Variants in GTF2A1 observed in about 807,000 individuals in gnomAD.
GTF2A1 encodes transcription initiation factor IIA subunit 1.
GTF2A1 carries 12 observed loss-of-function variants against 54.1 expected under a neutral mutation model. The ratio of observed to expected loss-of-function variants is 0.22; its 90% CI spans 0.14 to 0.36. The LOEUF is 0.36. GTF2A1 is among the 10% of genes least tolerant of loss of function. The pLI, the probability that GTF2A1 is intolerant of heterozygous loss-of-function variation, is 1.00. For synonymous variants in GTF2A1, 145 were observed against 152.0 expected (o/e 0.95, Z 0.34); for missense variants, 335 against 442.2 (o/e 0.76, Z 2.17).
intron 6 of GTF2A1, among the ~76,000 whole-genome samples, chr14:81,193,663 A>G (rs1237677024): frequency 1.3e-5 from 2 of 152,202 alleles, no homozygotes; most frequent in African/African-American, 4.8e-5. Context: ...GATAAAAGCT[A>G]ATTATTTTTC....
chr14:81,197,242 TA>T, intron 5 of GTF2A1, 166 bp downstream of exon 5: 1 of 538,124 alleles, frequency 1.9e-6, no homozygotes, highest in Non-Finnish European at 3.4e-6. Flanking sequence ...CAACAACGAT[TA>T]CAGTTATATG....
chr14:81,208,317 A>G (rs1893286959), intron 2 of GTF2A1, among the ~76,000 whole-genome samples: 1 of 152,190 alleles, frequency 6.6e-6, no homozygotes, highest in Admixed American at 6.5e-5. Context: ...AAACCTTGGC[A>G]GCGTTCCTGT....
At chr14:81,205,290 G>C (rs1296404032) in intron 2 of GTF2A1, among the ~76,000 whole-genome samples, 1 of 152,016 alleles carries the variant, frequency 6.6e-6, no homozygotes, top group Non-Finnish European at 1.5e-5. Context: ...ATAATCTTCT[G>C]ACCCTTCCAA....
chr14:81,216,211 A>G (rs1893485591), intron 2 of GTF2A1, among the ~76,000 whole-genome samples: 1 of 152,212 alleles, frequency 6.6e-6, no homozygotes, highest in South Asian at 2.1e-4. Context: ...ACCAATTTCC[A>G]TCTTACGTAT....
At chr14:81,216,548 A>T in intron 1 of GTF2A1, 34 bp from the exon 2 acceptor site, 1 of 907,954 alleles carries the variant, frequency 1.1e-6, no homozygotes, top group Non-Finnish European at 1.8e-6. Flanking sequence ...TGAAAAAGAC[A>T]GTTTTTCACA....
At chr14:81,199,575 T>C (rs1311131301) in intron 4 of GTF2A1, among the ~76,000 whole-genome samples, 1 of 152,188 alleles carries the variant, frequency 6.6e-6, no homozygotes, top group Non-Finnish European at 1.5e-5. Context: ...CTAAAACACT[T>C]TTATTGGTAC....
At chr14:81,199,909 A>G (rs1454134231) in intron 4 of GTF2A1, among the ~76,000 whole-genome samples, 1 of 151,930 alleles carries the variant, frequency 6.6e-6, no homozygotes, top group African/African-American at 2.4e-5. Context: ...ATATAGTCTT[A>G]ATAACATCAA....
At chr14:81,211,589 G>C (rs921508751) in intron 2 of GTF2A1, among the ~76,000 whole-genome samples, 2 of 151,952 alleles carry the variant, frequency 1.3e-5, no homozygotes, top group African/African-American at 4.8e-5. Flanking sequence ...AGACCATGGA[G>C]AAAATGTCTC....
Position 81,180,310 on chromosome 14 carries a change from T to C in GTF2A1, c.1044A>G (p.Lys348=). The change falls in exon 9 of 9, where the codon AAA becomes AAG. Residue 348 remains lysine (K), a synonymous_variant. Coordinates refer to ENST00000553612, the MANE Select transcript of GTF2A1 (RefSeq NM_015859.4). ...QYDKIHRSKN[K]WKFHLKDGIM... ...TGCCATCCTTGAGATGAAATTTCCA[T>C]TTGTTTTTACTTCTGTGTATCTAAA... 6.9e-7 allele frequency: 1 copy of C among 1,446,728 alleles called. No individual in the cohort carries two copies. The highest frequency in any genetic ancestry group is 9.7e-7 in the Non-Finnish European group (1 of 1,033,724). The allele number at this position is 1,446,728 out of a possible 1,614,324, so 89.6% of individuals were successfully genotyped here.
chr14:81,197,534 G>A (rs191672133), intron 4 of GTF2A1, 50 bp from the exon 5 acceptor site: 21 of 945,184 alleles, frequency 2.2e-5, no homozygotes, highest in Non-Finnish European at 3.3e-5. Context: ...GTATAATACT[G>A]TTTCTCTCTA....
At chr14:81,188,674 G>A (rs1042000028) in intron 7 of GTF2A1, among the ~76,000 whole-genome samples, 1 of 151,884 alleles carries the variant, frequency 6.6e-6, no homozygotes, top group Non-Finnish European at 1.5e-5. Flanking sequence ...CTACTTGGGA[G>A]GCTGAGGCAG....
chr14:81,197,278 T>C (rs1893012246), intron 5 of GTF2A1, 131 bp downstream of exon 5: 1 of 592,210 alleles, frequency 1.7e-6, no homozygotes, highest in Non-Finnish European at 3.1e-6. Flanking sequence ...AATAAAGTTA[T>C]TTTAATAACC....
chr14:81,193,408 G>A (rs752137932), intron 6 of GTF2A1, among the ~76,000 whole-genome samples: 7 of 151,936 alleles, frequency 4.6e-5, no homozygotes, highest in Admixed American at 3.9e-4. Flanking sequence ...CTCATGATCC[G>A]CCCGCCTCCC....
chr14:81,212,591 C>G (rs1479434386), intron 2 of GTF2A1, among the ~76,000 whole-genome samples: 2 of 152,202 alleles, frequency 1.3e-5, no homozygotes, highest in Non-Finnish European at 2.9e-5. Flanking sequence ...GCCTCCTTTA[C>G]AGCCTTATAC....
rs114126877 is a variant in GTF2A1 at position 81,216,063 on chromosome 14, C to T, written c.132+350G>A. Among the ~76,000 whole-genome samples the T allele has an allele frequency of 3.1e-3, 466 of 152,302 alleles. 2 individuals carry two copies. The highest frequency in any genetic ancestry group is 0.011 in the African/African-American group (439 of 41,554). ...AAGAAAGCAACAAAATTCTTCCAGA[C>T]ATGTCAAGTAATTAGACCATAAAAT... is the stretch of plus-strand genomic sequence containing the variant. On this transcript the variant is annotated intron_variant, in intron 2 of 8. Transcript: ENST00000553612.
chr14:81,188,599 G>A (rs932827333), intron 7 of GTF2A1, among the ~76,000 whole-genome samples: 12 of 151,234 alleles, frequency 7.9e-5, no homozygotes, highest in Non-Finnish European at 1.5e-4. Flanking sequence ...GTGAAACCCC[G>A]TCTCTACTAA....
chr14:81,220,902 A>C lies in GTF2A1; in HGVS notation c.-384T>G. 2 of 198,402 alleles carry C rather than the reference A, an allele frequency of 1.0e-5. No homozygotes were observed. The highest frequency in any genetic ancestry group is 1.2e-4 in the East Asian group (1 of 8,398). The allele number at this position is 198,402 out of a possible 1,614,324, so 12.3% of individuals were successfully genotyped here. On this transcript the variant is annotated 5_prime_UTR_variant, in exon 1 of 9. Coordinates refer to ENST00000553612, the MANE Select transcript of GTF2A1 (RefSeq NM_015859.4). ...CGGTCCGCCCGCTTCTCTCCTTTAT[A>C]TAGCGAGCCAACAAGCTGCGCGAGC...
intron 1 of GTF2A1, among the ~76,000 whole-genome samples, chr14:81,218,834 C>T (rs1403840582): frequency 1.3e-5 from 2 of 150,412 alleles, no homozygotes; most frequent in African/African-American, 4.9e-5. Context: ...TCTCTTCCCT[C>T]TACTCACGAT....
intron 1 of GTF2A1, among the ~76,000 whole-genome samples, 191 bp from the exon 2 acceptor site, chr14:81,216,705 A>T (rs1046403118): frequency 6.6e-6 from 1 of 152,250 alleles, no homozygotes; most frequent in African/African-American, 2.4e-5. Flanking sequence ...TTTAAGATTA[A>T]TGCAGTTCAT....
Sources: gnomAD v4.1 joint callset for allele counts (sites outside exome capture counted in the v4.1 genomes callset) on GRCh38, gnomAD v4.1.1 for gene constraint, MANE v1.5 for transcripts, NCBI Gene and HGNC (gene_info 2026-07-23, HGNC 2026-07-21) for gene names.